The following HM13 variants were observed in gnomAD, a reference collection of about 807,000 sequenced individuals.
HM13 encodes the protein signal peptide peptidase.
Under a neutral mutation model 50.0 loss-of-function variants are expected in HM13, and 18 were observed. That is an observed-to-expected ratio of 0.36 (90% CI 0.25 to 0.53). The LOEUF (loss-of-function observed/expected upper bound fraction) is 0.53, where lower values mean the gene tolerates loss of function less well. Ranked by LOEUF, HM13 falls within the 20% of genes least tolerant of loss-of-function variation. The probability of loss-of-function intolerance (pLI) is 0.90; values close to 1 mark genes in which losing one functional copy is unlikely to be tolerated. For missense variants in HM13, 393 were observed against 552.4 expected (o/e 0.71, Z 2.89); for synonymous variants, 197 against 232.6 (o/e 0.85, Z 1.39).
chr20:31,532,689 T>C (rs1291266247), intron 2 of HM13, among the ~76,000 whole-genome samples: 1 of 152,238 alleles, frequency 6.6e-6, no homozygotes, highest in African/African-American at 2.4e-5. Flanking sequence ...TTTCCATAAA[T>C]AGAACTGTGC....
chr20:31,530,639 G>C (rs534456825), intron 2 of HM13, among the ~76,000 whole-genome samples: 1 of 152,178 alleles, frequency 6.6e-6, no homozygotes, highest in South Asian at 2.1e-4. Flanking sequence ...TTGATCTCTT[G>C]ACCTTGTGAT....
intron 3 of HM13, chr20:31,539,166 A>G: frequency 1.0e-6 from 1 of 985,488 alleles, no homozygotes; most frequent in Non-Finnish European, 1.2e-6. Flanking sequence ...TGGACAGGCC[A>G]GTTCTCCATT....
At position 31,514,742 on chromosome 20, in the gene HM13, C is replaced by CA; in HGVS notation, c.183+9dup. The CA allele has an allele frequency of 6.6e-7, 1 of 1,518,728 alleles. No individual in the cohort carries two copies. The highest frequency in any genetic ancestry group is 1.2e-5 in the South Asian group (1 of 80,496). The allele number at this position is 1,518,728 out of a possible 1,614,324, so 94.1% of individuals were successfully genotyped here. On this transcript the variant is annotated intron_variant, in intron 1 of 12. Coordinates refer to ENST00000398174, the MANE Select transcript of HM13 (RefSeq NM_178581.3). The surrounding 1 kb of genome is among the most constrained non-coding windows in gnomAD (Gnocchi z 4.3). Reference sequence around the variant, plus strand: ...CGCTGCGCCCGCGGCAAGGTAGGGTCAGCGGGAAAACCGGGCACTTTCCAC... The same window carrying CA: ...CGCTGCGCCCGCGGCAAGGTAGGGTCAAGCGGGAAAACCGGGCACTTTCCAC...
At chr20:31,568,056 C>T (rs1235972102) in intron 11 of HM13, 22 bp from the exon 12 acceptor site, 35 of 1,560,910 alleles carry the variant, frequency 2.2e-5, no homozygotes, top group Admixed American at 1.9e-4. Flanking sequence ...TTTTTTCTGT[C>T]TCTTCTCTCT....
intron 9 of HM13, 140 bp from the exon 10 acceptor site, chr20:31,561,493 CA>C (rs1984608496): frequency 1.5e-6 from 1 of 659,014 alleles, no homozygotes; most frequent in Admixed American, 2.2e-5. Context: ...TCAGCGTGCA[CA>C]CCCACCTCCA....
intron 7 of HM13, among the ~76,000 whole-genome samples, chr20:31,552,369 A>G (rs958128639): frequency 2.0e-5 from 3 of 152,166 alleles, no homozygotes; most frequent in Non-Finnish European, 4.4e-5. Context: ...GTTCAGGGAA[A>G]AGAGGCTGGA....
At position 31,514,939 on chromosome 20, in the gene HM13, G is replaced by A. The variant is rs149223419; in HGVS notation, c.183+205G>A. On this transcript the variant is annotated intron_variant, in intron 1 of 12. Transcript: ENST00000398174. This position sits in a 1 kb window ranked among gnomAD's most constrained non-coding sequence, Gnocchi z 4.3. The stretch of plus-strand genomic sequence containing the variant: ...GGGCACCGACCCCCGACCAGGGTAT[G>A]ATACCTTCCCCAATAGGAACTTGCT... Among the ~76,000 whole-genome samples the A allele has an allele frequency of 3.2e-3, 492 of 152,226 alleles. 2 individuals are homozygous for A. Among genetic ancestry groups the A allele is most frequent in the African/African-American group, 0.011 (468 of 41,530 alleles).
chr20:31,559,564 G>T (rs202118165), intron 8 of HM13, 47 bp from the exon 9 acceptor site: 2 of 1,600,454 alleles, frequency 1.2e-6, no homozygotes, highest in Non-Finnish European at 8.6e-7. Context: ...TTAGTTCACT[G>T]CCCTGCTGCT....
chr20:31,557,305 C>T (rs886201518), intron 8 of HM13, among the ~76,000 whole-genome samples: 16 of 152,222 alleles, frequency 1.1e-4, no homozygotes, highest in Non-Finnish European at 2.4e-4. Context: ...CTGTCATTCA[C>T]CCACACAAAC....
intron 10 of HM13, among the ~76,000 whole-genome samples, chr20:31,564,374 CA>C (rs1157591581): frequency 6.6e-6 from 1 of 151,946 alleles, no homozygotes; most frequent in African/African-American, 2.4e-5. Context: ...CTCAGGAGTT[CA>C]AGACCAGCCT....
chr20:31,545,062 G>C (rs376719172), intron 4 of HM13, 27 bp downstream of exon 4: 2 of 1,567,236 alleles, frequency 1.3e-6, no homozygotes, highest in Admixed American at 3.3e-5. Context: ...TTCCCCTGTA[G>C]TGTGCCTTGG....
chr20:31,562,023 C>G (rs1276566626), intron 10 of HM13, among the ~76,000 whole-genome samples: 1 of 152,228 alleles, frequency 6.6e-6, no homozygotes, highest in Non-Finnish European at 1.5e-5. Flanking sequence ...TTCAGCATCT[C>G]ATGGGCCAGA....
At chr20:31,555,216 C>G (rs560581629) in intron 8 of HM13, among the ~76,000 whole-genome samples, 1 of 152,360 alleles carries the variant, frequency 6.6e-6, no homozygotes, top group African/African-American at 2.4e-5. Flanking sequence ...CATACCCCTT[C>G]CCAGCATCTG....
intron 1 of HM13, among the ~76,000 whole-genome samples, chr20:31,525,284 C>G (rs1402720150): frequency 6.6e-6 from 1 of 152,168 alleles, no homozygotes; most frequent in East Asian, 1.9e-4. Context: ...TCTGCCCCAT[C>G]TCCTTCCCTC....
intron 7 of HM13, 143 bp from the exon 8 acceptor site, chr20:31,554,603 A>T (rs1984206640): frequency 8.1e-6 from 5 of 618,588 alleles, no homozygotes; most frequent in Non-Finnish European, 1.4e-5. Context: ...AATGGCATGA[A>T]CCCAGGAGAT....
intron 1 of HM13, among the ~76,000 whole-genome samples, chr20:31,526,681 A>T (rs1408509365): frequency 6.6e-6 from 1 of 152,126 alleles, no homozygotes. Flanking sequence ...ACCATTTTCA[A>T]GTCTGCCAGT....
chr20:31,556,015 T>C (rs922912006), intron 8 of HM13, among the ~76,000 whole-genome samples: 1 of 150,204 alleles, frequency 6.7e-6, no homozygotes, highest in Non-Finnish European at 1.5e-5. Flanking sequence ...ACCATATATA[T>C]ATATAAAATT....
chr20:31,542,006 G>A (rs1983474360), intron 3 of HM13, among the ~76,000 whole-genome samples: 1 of 152,226 alleles, frequency 6.6e-6, no homozygotes, highest in Non-Finnish European at 1.5e-5. Context: ...CTTAAAGAGG[G>A]TGGGCTGGCC....
intron 6 of HM13, among the ~76,000 whole-genome samples, chr20:31,549,671 C>T (rs6059930): frequency 0.23 from 35,641 of 152,136 alleles, 5,612 homozygotes; most frequent in African/African-American, 0.45. Context: ...TGAATGGGCC[C>T]AGCAAGGGCA....
Sources: allele counts gnomAD v4.1 joint callset (sites outside exome capture counted in the v4.1 genomes callset), GRCh38; gene constraint gnomAD v4.1.1; non-coding constraint Gnocchi (gnomAD v3.1); transcripts MANE v1.5; gene names NCBI Gene and HGNC (gene_info 2026-07-23, HGNC 2026-07-21).